KLF12: variants seen among roughly 807,000 people sequenced by gnomAD.
KLF12 encodes the protein Krueppel-like factor 12.
A neutral mutation model predicts 37.8 loss-of-function variants in KLF12; 9 were observed. The observed-to-expected ratio is 0.24, with a 90% confidence interval of 0.14 to 0.42. KLF12 has a LOEUF of 0.42. Among genes scored for constraint, KLF12 ranks in the 10% least tolerant of loss-of-function variants. KLF12 has a pLI of 1.00. For synonymous variants in KLF12, 208 were observed against 202.1 expected (o/e 1.03, Z -0.25); for missense variants, 411 against 516.0 (o/e 0.80, Z 1.97).
At chr13:74,012,443 T>TA (rs1226572545) in intron 1 of KLF12, among the ~76,000 whole-genome samples, 1 of 152,192 alleles carries the variant, frequency 6.6e-6, no homozygotes, top group Non-Finnish European at 1.5e-5. Flanking sequence ...GCTGCTTTTT[T>TA]AAATTGATAA....
At chr13:73,982,747 C>T (rs1026974393) in intron 2 of KLF12, among the ~76,000 whole-genome samples, 10 of 152,270 alleles carry the variant, frequency 6.6e-5, no homozygotes, top group Admixed American at 4.6e-4. Flanking sequence ...AGAGTAACTG[C>T]TTAGGAAAAT....
intron 3 of KLF12, among the ~76,000 whole-genome samples, chr13:73,851,002 C>A (rs550259550): frequency 3.3e-5 from 5 of 152,304 alleles, no homozygotes; most frequent in African/African-American, 1.2e-4. Flanking sequence ...TGTTTATTAG[C>A]TGTGCGATCT....
intron 5 of KLF12, among the ~76,000 whole-genome samples, chr13:73,781,123 T>C (rs1267750102): frequency 1.3e-5 from 2 of 152,240 alleles, no homozygotes; most frequent in African/African-American, 4.8e-5. Flanking sequence ...GTGGAGGGTC[T>C]TGCCTCCAGC....
intron 5 of KLF12, among the ~76,000 whole-genome samples, chr13:73,809,771 T>G (rs942388543): frequency 1.3e-5 from 2 of 152,164 alleles, no homozygotes; most frequent in Non-Finnish European, 2.9e-5. Flanking sequence ...GATGACTCAT[T>G]AACTATTGAT....
the KLF12 span, among the ~76,000 whole-genome samples, chr13:74,283,163 C>T: frequency 4.6e-5 from 7 of 152,264 alleles, no homozygotes; most frequent in South Asian, 8.3e-4. Flanking sequence ...CAAACTTCAC[C>T]GAAGAGTCTT....
intron 5 of KLF12, among the ~76,000 whole-genome samples, chr13:73,765,870 C>T (rs1879878387): frequency 6.6e-6 from 1 of 152,132 alleles, no homozygotes; most frequent in Non-Finnish European, 1.5e-5. Flanking sequence ...TCATACATTG[C>T]TCTTATTTAC....
At chr13:74,065,896 TGAA>T in intron 1 of KLF12, among the ~76,000 whole-genome samples, 1 of 152,012 alleles carries the variant, frequency 6.6e-6, no homozygotes. Flanking sequence ...AGAGGTTTTA[TGAA>T]GAAGGGGAGC....
rs964650381 is a variant in KLF12, at chr13:73,688,750, T to C, written c.*6740A>G. The C allele has an allele frequency of 6.6e-6, 1 of 152,196 alleles. No individual in the cohort carries two copies. The highest frequency in any genetic ancestry group is 2.4e-5 in the African/African-American group (1 of 41,434). The allele number at this position is 152,196 out of a possible 1,614,324, so 9.4% of individuals were successfully genotyped here. ...TCATGTGTTATATCATGTCCCGATATTTCACTTGAAAAATATGATGACTAC... is the reference window on the plus strand; with the variant it reads ...TCATGTGTTATATCATGTCCCGATACTTCACTTGAAAAATATGATGACTAC... On this transcript the variant is annotated 3_prime_UTR_variant, in exon 8 of 8. Coordinates refer to ENST00000377669, the MANE Select transcript of KLF12 (RefSeq NM_007249.5).
intron 4 of KLF12, among the ~76,000 whole-genome samples, chr13:73,840,380 T>C (rs1414410238): frequency 3.3e-5 from 5 of 152,106 alleles, no homozygotes; most frequent in African/African-American, 9.7e-5. Flanking sequence ...CCAAATTTTA[T>C]TTCTCCAAAT....
chr13:74,150,788 G>A, the KLF12 span, among the ~76,000 whole-genome samples: 1 of 152,136 alleles, frequency 6.6e-6, no homozygotes, highest in African/African-American at 2.4e-5. Context: ...GGGACACAAG[G>A]GGGGCAGAGG....
chr13:74,254,860 A>G, the KLF12 span, among the ~76,000 whole-genome samples: 1 of 152,134 alleles, frequency 6.6e-6, no homozygotes, highest in Admixed American at 6.6e-5. Context: ...CCTCGCTGAA[A>G]TATGCAGGCT....
intron 6 of KLF12, among the ~76,000 whole-genome samples, chr13:73,726,491 G>T (rs932552211): frequency 2.2e-4 from 34 of 152,122 alleles, no homozygotes; most frequent in African/African-American, 7.2e-4. Context: ...CTAAGAATTT[G>T]TCTATTCTGG....
chr13:73,819,337 T>C (rs1883402056), intron 4 of KLF12, among the ~76,000 whole-genome samples: 1 of 152,212 alleles, frequency 6.6e-6, no homozygotes, highest in Non-Finnish European at 1.5e-5. Flanking sequence ...ACCCTGACAG[T>C]AAATTTACTG....
chr13:74,256,762 C>G, the KLF12 span, among the ~76,000 whole-genome samples: 2 of 150,546 alleles, frequency 1.3e-5, no homozygotes, highest in African/African-American at 4.9e-5. Flanking sequence ...TGGAAACGGC[C>G]TACTATTTGC....
chr13:73,852,858 C>T (rs994059274), intron 3 of KLF12, among the ~76,000 whole-genome samples: 4 of 150,600 alleles, frequency 2.7e-5, no homozygotes, highest in African/African-American at 9.8e-5. Flanking sequence ...ACTCTCTGTG[C>T]TTTTACATTT....
intron 1 of KLF12, among the ~76,000 whole-genome samples, chr13:74,033,796 T>C (rs1418372155): frequency 6.6e-6 from 1 of 152,164 alleles, no homozygotes; most frequent in East Asian, 1.9e-4. Flanking sequence ...TGGAATATAT[T>C]CCTAGAAGTA....
intron 1 of KLF12, among the ~76,000 whole-genome samples, chr13:74,103,610 T>C (rs1876486785): frequency 6.6e-6 from 1 of 152,182 alleles, no homozygotes; most frequent in African/African-American, 2.4e-5. Flanking sequence ...TATACAACAA[T>C]GTGCTATTTG....
At chr13:73,717,415 T>C (rs960515532) in intron 6 of KLF12, among the ~76,000 whole-genome samples, 1 of 152,214 alleles carries the variant, frequency 6.6e-6, no homozygotes, top group African/African-American at 2.4e-5. Flanking sequence ...TGAATATTCA[T>C]TGCCATTTCC....
chr13:74,009,435 CA>C (rs1351152442), intron 1 of KLF12, among the ~76,000 whole-genome samples: 2 of 152,120 alleles, frequency 1.3e-5, no homozygotes, highest in Non-Finnish European at 2.9e-5. Flanking sequence ...TTCAACCAAA[CA>C]GCTGGAATTT....
Sources: gnomAD v4.1 joint callset for allele counts (sites outside exome capture counted in the v4.1 genomes callset) on GRCh38, gnomAD v4.1.1 for gene constraint, MANE v1.5 for transcripts, NCBI Gene and HGNC (gene_info 2026-07-23, HGNC 2026-07-21) for gene names.